COL19A1: variants seen among roughly 807,000 people sequenced by gnomAD.
COL19A1 encodes the protein collagen type XIX alpha 1 chain.
Under a neutral mutation model 190.2 loss-of-function variants are expected in COL19A1, and 159 were observed. The observed-to-expected ratio is 0.84, with a 90% CI of 0.73 to 0.95. The LOEUF is 0.95. Among genes scored for constraint, COL19A1 ranks in the 40% least tolerant of loss-of-function variants. COL19A1 has a pLI of 0.00. For missense variants in COL19A1, 1,418 were observed against 1,431.9 expected, an observed-to-expected ratio of 0.99 and a Z score of 0.16; for synonymous variants, 509 against 458.9, an observed-to-expected ratio of 1.11 and a Z score of -1.39.
At chr6:70,003,362 G>C (rs1246811794) in intron 11 of COL19A1, among the ~76,000 whole-genome samples, 2 of 152,206 alleles carry the variant, frequency 1.3e-5, no homozygotes, top group Admixed American at 1.3e-4. Context: ...TTGGGGTGGG[G>C]AGTTCTGTAG....
intron 11 of COL19A1, among the ~76,000 whole-genome samples, chr6:70,020,543 A>G (rs927607375): frequency 6.6e-6 from 1 of 152,176 alleles, no homozygotes; most frequent in Non-Finnish European, 1.5e-5. Context: ...GTTGTTTATT[A>G]CAGCATATTG....
intron 8 of COL19A1, among the ~76,000 whole-genome samples, chr6:69,937,363 A>C (rs1272570310): frequency 6.6e-6 from 1 of 152,158 alleles, no homozygotes; most frequent in Non-Finnish European, 1.5e-5. Context: ...TCCATCCACC[A>C]TAAGTTATTA....
rs1044807665 is a variant in COL19A1 at position 70,068,326 on chromosome 6, T to C, written c.1171-97T>C. 5.7e-5 allele frequency: 49 copies of C among 856,430 alleles called. No individual in the cohort carries two copies. In the East Asian group the frequency reaches 6.1e-4, roughly 11 times the overall value. 53.1% of individuals were successfully genotyped at this position (856,430 alleles called of 1,614,324 possible). On this transcript the variant is annotated intron_variant, in intron 14 of 50. Coordinates refer to ENST00000620364, the MANE Select transcript of COL19A1 (RefSeq NM_001858.6). ...GAGCTCAAATTACTTTAAAAGTTTG[T>C]TTTAATCAACAAAATAATTATTAAT...
intron 14 of COL19A1, among the ~76,000 whole-genome samples, chr6:70,049,035 T>G (rs1022472789): frequency 6.6e-6 from 1 of 151,928 alleles, no homozygotes; most frequent in Non-Finnish European, 1.5e-5. Flanking sequence ...TATTTATATG[T>G]ACATATAAAT....
intron 49 of COL19A1, among the ~76,000 whole-genome samples, chr6:70,202,160 A>G (rs906874624): frequency 1.4e-4 from 22 of 152,330 alleles, no homozygotes; most frequent in Admixed American, 1.4e-3. Flanking sequence ...TGGGAAGAAA[A>G]GATGGCTTCT....
intron 11 of COL19A1, among the ~76,000 whole-genome samples, chr6:69,993,093 T>C (rs1203990445): frequency 1.3e-5 from 2 of 152,132 alleles, no homozygotes; most frequent in Non-Finnish European, 2.9e-5. Context: ...CTGTGGGTTT[T>C]TGTCATAGAT....
chr6:69,917,306 G>GAT (rs901310253), intron 4 of COL19A1, among the ~76,000 whole-genome samples: 37 of 152,184 alleles, frequency 2.4e-4, no homozygotes, highest in African/African-American at 8.4e-4. Flanking sequence ...TGATGAATGT[G>GAT]ATATAGCACA....
At chr6:69,911,170 T>A (rs918409457) in intron 4 of COL19A1, among the ~76,000 whole-genome samples, 4 of 152,246 alleles carry the variant, frequency 2.6e-5, no homozygotes, top group African/African-American at 9.6e-5. Flanking sequence ...TAATAAACTT[T>A]GAAATCTATG....
At chr6:70,047,902 G>A (rs111269472) in intron 14 of COL19A1, among the ~76,000 whole-genome samples, 3,752 of 152,174 alleles carry the variant, frequency 0.025, 78 homozygotes, top group Non-Finnish European at 0.035. Context: ...ACAGGTGAAG[G>A]AAGGTAGAAC....
intron 15 of COL19A1, among the ~76,000 whole-genome samples, chr6:70,078,978 A>G (rs1782068713): frequency 1.3e-5 from 2 of 152,232 alleles, no homozygotes; most frequent in South Asian, 4.2e-4. Context: ...GAGGCAGGAG[A>G]ATCTCTTAAT....
chr6:70,062,327 C>T (rs150220705), intron 14 of COL19A1, among the ~76,000 whole-genome samples: 4,646 of 152,064 alleles, frequency 0.031, 241 homozygotes, highest in South Asian at 0.13. Flanking sequence ...AATTAAAATA[C>T]GTATATTACT....
chr6:69,966,975 A>G (rs150843686), intron 11 of COL19A1, among the ~76,000 whole-genome samples: 1 of 152,214 alleles, frequency 6.6e-6, no homozygotes, highest in Non-Finnish European at 1.5e-5. Context: ...AATATTTTTA[A>G]GTAATTGCTT....
chr6:69,946,419 T>C (rs1773806529), intron 9 of COL19A1, among the ~76,000 whole-genome samples: 1 of 152,040 alleles, frequency 6.6e-6, no homozygotes. Flanking sequence ...ACCCATCATA[T>C]CTGGATTAGC....
intron 14 of COL19A1, among the ~76,000 whole-genome samples, chr6:70,040,750 G>A (rs940837970): frequency 3.3e-5 from 5 of 152,120 alleles, no homozygotes; most frequent in African/African-American, 9.7e-5. Context: ...GGAGATTAAA[G>A]TGATATTTAT....
chr6:70,082,525 G>T (rs1453734047), intron 15 of COL19A1, among the ~76,000 whole-genome samples: 1 of 152,104 alleles, frequency 6.6e-6, no homozygotes, highest in African/African-American at 2.4e-5. Flanking sequence ...CGATTCTCCT[G>T]TCTCAGCCTC....
At chr6:70,190,272 G>A (rs1766780492) in intron 47 of COL19A1, 43 bp from the exon 48 acceptor site, 1 of 1,401,488 alleles carries the variant, frequency 7.1e-7, no homozygotes, top group South Asian at 1.2e-5. Context: ...TTATTCATTT[G>A]TGCTATGCTC....
chr6:69,994,947 A>G (rs906565275), intron 11 of COL19A1, among the ~76,000 whole-genome samples: 1 of 152,138 alleles, frequency 6.6e-6, no homozygotes, highest in African/African-American at 2.4e-5. Context: ...TGGCTTCACC[A>G]AAGAGGCACC....
intron 44 of COL19A1, 51 bp from the exon 45 acceptor site, chr6:70,184,652 T>C (rs1425057085): frequency 7.1e-7 from 1 of 1,411,890 alleles, no homozygotes; most frequent in Non-Finnish European, 9.9e-7. Flanking sequence ...TTTGTTGTGT[T>C]TAACTATGTT....
intron 6 of COL19A1, among the ~76,000 whole-genome samples, chr6:69,930,230 A>G (rs1319523082): frequency 6.6e-6 from 1 of 152,224 alleles, no homozygotes; most frequent in African/African-American, 2.4e-5. Context: ...GTCATTTGAA[A>G]GAGAAAAATT....
Sources: allele counts gnomAD v4.1 joint callset (sites outside exome capture counted in the v4.1 genomes callset), GRCh38; gene constraint gnomAD v4.1.1; transcripts MANE v1.5; gene names NCBI Gene and HGNC (gene_info 2026-07-23, HGNC 2026-07-21).